The following PLXNA1 variants were observed in gnomAD, a reference collection of about 807,000 sequenced individuals.
The protein encoded by PLXNA1 is plexin-A1.
PLXNA1 carries 77 observed loss-of-function variants against 191.7 expected under a neutral mutation model. That is an observed-to-expected ratio of 0.40 (90% CI 0.33 to 0.49). PLXNA1 has a LOEUF of 0.49. Among genes scored for constraint, PLXNA1 ranks in the 20% least tolerant of loss-of-function variants. PLXNA1 has a pLI of 0.63. For synonymous variants in PLXNA1, 1,137 were observed against 1,156.4 expected, an observed-to-expected ratio of 0.98 and a Z score of 0.34; for missense variants, 2,110 against 2,660.2, an observed-to-expected ratio of 0.79 and a Z score of 4.55.
In PLXNA1 at chr3:127,036,367, T is replaced by G. The variant is rs570276698; in HGVS notation, c.*2350T>G. On this transcript the variant is annotated 3_prime_UTR_variant, in exon 32 of 32. Coordinates refer to ENST00000393409, the MANE Select transcript of PLXNA1 (RefSeq NM_032242.4). ...GGGCGGGTGGTGGGGACGGCAGTGG[T>G]GATGAAGGGGGTGCACCACAGGCCT... 1 of 152,570 alleles carries G rather than the reference T, an allele frequency of 6.6e-6. No homozygotes were observed. Among genetic ancestry groups the G allele is most frequent in the East Asian group, 1.9e-4 (1 of 5,170 alleles). 9.5% of individuals were successfully genotyped at this position (152,570 alleles called of 1,614,324 possible).
chr3:127,003,580 G>A, intron 4 of PLXNA1, 110 bp downstream of exon 4: 1 of 1,269,358 alleles, frequency 7.9e-7, no homozygotes, highest in Non-Finnish European at 1.1e-6. Flanking sequence ...GGGCGTCCAT[G>A]GCTCCTGGTA....
At position 126,989,504 on chromosome 3, in the gene PLXNA1, A is replaced by G. The variant is rs762397558; in HGVS notation, c.911A>G (p.Gln304Arg). 1.9e-6 allele frequency: 3 copies of G among 1,613,546 alleles called. No individual in the cohort carries two copies. Among genetic ancestry groups the G allele is most frequent in the Non-Finnish European group, 1.7e-6 (2 of 1,180,042 alleles). Residue 304 changes from glutamine to arginine, a missense_variant, in exon 2 of 32, where the codon CAG (glutamine) becomes CGG (arginine). Physicochemically the swap from Gln to Arg is conservative, Grantham distance 43. Around this residue, in one of 4 missense-constraint regions of PLXNA1, gnomAD observed 903 missense variants for 1,015.7 expected, o/e 0.89. Coordinates refer to ENST00000393409, the MANE Select transcript of PLXNA1 (RefSeq NM_032242.4). ...SYVEFPIGCE[Q>R]AGVEYRLVQD... The stretch of plus-strand genomic sequence containing the variant: ...GTTGAGTTCCCCATTGGCTGCGAGC[A>G]GGCGGGTGTGGAGTACCGCCTGGTG...
intron 8 of PLXNA1, among the ~76,000 whole-genome samples, chr3:127,007,190 G>A (rs906799152): frequency 6.6e-5 from 10 of 152,142 alleles, no homozygotes; most frequent in African/African-American, 2.4e-4. Flanking sequence ...GATGGAGGTG[G>A]TGTCTTCCTG....
chr3:127,020,393 A>T, intron 21 of PLXNA1, 49 bp downstream of exon 21: 1 of 1,599,962 alleles, frequency 6.3e-7, no homozygotes, highest in East Asian at 2.2e-5. Context: ...GGCAGCTGCT[A>T]TCTTCTGCCT....
intron 27 of PLXNA1, 50 bp downstream of exon 27, chr3:127,029,586 G>A: frequency 6.4e-7 from 1 of 1,574,638 alleles, no homozygotes; most frequent in Non-Finnish European, 8.7e-7. Context: ...TCCCTGGCCT[G>A]GGCAGGACGT....
In PLXNA1 at chr3:127,014,167, C is replaced by T. The variant is rs2079109310; in HGVS notation, c.2411-15C>T. On this transcript the variant is annotated splice_polypyrimidine_tract_variant and intron_variant, in intron 11 of 31. Coordinates refer to ENST00000393409, the MANE Select transcript of PLXNA1 (RefSeq NM_032242.4). ...GCAGTGGGCGGGCCCGAGCTGACCG[C>T]ACCCCTCCCCACAGCGCACCTCTAC... 2 of 1,611,464 alleles carry T rather than the reference C, an allele frequency of 1.2e-6. No homozygotes were observed. The highest frequency in any genetic ancestry group is 1.1e-5 in the South Asian group (1 of 91,006).
intron 3 of PLXNA1, among the ~76,000 whole-genome samples, chr3:126,999,295 C>T (rs559207857): frequency 2.6e-5 from 4 of 152,328 alleles, no homozygotes; most frequent in South Asian, 2.1e-4. Flanking sequence ...GAGGCCTCCA[C>T]GTGTGGGCAC....
At position 127,032,722 on chromosome 3, in the gene PLXNA1, C is replaced by T. The variant is rs753841851; in HGVS notation, c.5481C>T (p.Ser1827=). Residue 1827 remains serine (S), a synonymous_variant, in exon 31 of 32, where the codon AGC becomes AGT. Coordinates refer to ENST00000393409, the MANE Select transcript of PLXNA1 (RefSeq NM_032242.4). ...ACATCGCCAAGATGCCAGCCATCAGCGACCAGGACATGAGTGCGTATCTGG... is the reference window on the plus strand; with the variant it reads ...ACATCGCCAAGATGCCAGCCATCAGTGACCAGGACATGAGTGCGTATCTGG... ...YADIAKMPAI[S]DQDMSAYLAE... 5.6e-6 allele frequency: 9 copies of T among 1,613,346 alleles called. No homozygotes were observed. The highest frequency in any genetic ancestry group is 3.3e-5 in the Admixed American group (2 of 60,024).
chr3:127,006,802 G>A (rs1448618966), intron 8 of PLXNA1, among the ~76,000 whole-genome samples: 1 of 152,100 alleles, frequency 6.6e-6, no homozygotes, highest in African/African-American at 2.4e-5. Context: ...TTTTGGCTGT[G>A]AGCACCCCCA....
chr3:127,029,183 C>T, intron 26 of PLXNA1, 87 bp downstream of exon 26: 2 of 1,085,624 alleles, frequency 1.8e-6, no homozygotes, highest in Non-Finnish European at 2.8e-6. Context: ...AGCATGTGGG[C>T]TGGACAGCAG....
Position 127,014,732 on chromosome 3 carries a change from C to T in PLXNA1, c.2778C>T (p.Asp926=), listed in dbSNP as rs755316881. 1.2e-5 allele frequency: 20 copies of T among 1,611,848 alleles called. No homozygotes were observed. Among genetic ancestry groups the T allele is most frequent in the Non-Finnish European group, 1.6e-5 (19 of 1,179,684 alleles). The change falls in exon 14 of 32, where the codon GAC becomes GAT. Residue 926 remains aspartate (D), a synonymous_variant. Transcript: ENST00000393409. ...SAEQIVCEIG[D]ASSVRAHDAL... ...ACAGGATCGTCTGTGAGATCGGGGA[C>T]GCCAGCTCCGTGCGTGCCCATGACG...
intron 9 of PLXNA1, among the ~76,000 whole-genome samples, chr3:127,008,936 C>T (rs1559959411): frequency 3.3e-5 from 5 of 152,118 alleles, no homozygotes; most frequent in Admixed American, 6.5e-5. Flanking sequence ...GGGTGACTGC[C>T]TATAACAGTG....
intron 3 of PLXNA1, among the ~76,000 whole-genome samples, chr3:126,999,989 G>C (rs1487205572): frequency 6.6e-6 from 1 of 152,080 alleles, no homozygotes; most frequent in African/African-American, 2.4e-5. Flanking sequence ...GCAGGTGGGG[G>C]CATCCCGTGT....
Position 127,022,346 on chromosome 3 carries a change from G to A in PLXNA1, c.4295+5G>A. 2 of 1,605,650 alleles carry A rather than the reference G, an allele frequency of 1.2e-6. No homozygotes were observed. Among genetic ancestry groups the A allele is most frequent in the Non-Finnish European group, 1.7e-6 (2 of 1,173,860 alleles). ...CCCCAAGCTGCTACTGCGCCGGTGA[G>A]CCTGGGGGGCACTGGGGTTGGGGGA... On this transcript the variant is annotated splice_donor_5th_base_variant and intron_variant, in intron 22 of 31. Coordinates refer to ENST00000393409, the MANE Select transcript of PLXNA1 (RefSeq NM_032242.4).
intron 6 of PLXNA1, 27 bp from the exon 7 acceptor site, chr3:127,005,063 T>G: frequency 6.2e-7 from 1 of 1,610,992 alleles, no homozygotes; most frequent in Non-Finnish European, 8.5e-7. Flanking sequence ...GGGACCCTGC[T>G]CACCATGCCT....
At chr3:126,988,217 C>T (rs2107619755) in intron 1 of PLXNA1, among the ~76,000 whole-genome samples, 1 of 152,294 alleles carries the variant, frequency 6.6e-6, no homozygotes, top group Admixed American at 6.5e-5. Flanking sequence ...GGTCCCATTC[C>T]ACACCTCAGG....
rs763430744 is a variant in PLXNA1, at chr3:127,018,274, T to C, written c.3661-20T>C. On this transcript the variant is annotated intron_variant, in intron 19 of 31. Coordinates refer to ENST00000393409, the MANE Select transcript of PLXNA1 (RefSeq NM_032242.4). ...GTGGAAAGCATGGGAAGCTCCTGAG[T>C]GGCCTCCACCCACTGGCAGGTGCGG... The C allele has an allele frequency of 3.8e-6, 6 of 1,569,176 alleles. No homozygotes were observed. Among genetic ancestry groups the C allele is most frequent in the South Asian group, 3.5e-5 (3 of 86,812 alleles).
Position 126,989,219 on chromosome 3 carries a change from A to G in PLXNA1, c.626A>G (p.Asn209Ser), listed in dbSNP as rs1349011355. 3.1e-6 allele frequency: 5 copies of G among 1,613,544 alleles called. No individual in the cohort carries two copies. In the South Asian group the frequency reaches 5.5e-5, roughly 18 times the overall value. The change falls in exon 2 of 32, where the codon AAC (asparagine) becomes AGC (serine). Residue 209 changes from asparagine to serine, a missense_variant. Transcript: ENST00000393409. ...CTGTCCAGCCGTCGGCTCATGGCCA[A>G]CGAGGAGGATGCCGACATGTTCGGC... ...PTLSSRRLMA[N>S]EEDADMFGFV... is the part of the protein sequence containing the mutation.
At chr3:127,025,622 C>T (rs1443121309) in intron 23 of PLXNA1, among the ~76,000 whole-genome samples, 3 of 152,186 alleles carry the variant, frequency 2.0e-5, no homozygotes, top group East Asian at 3.9e-4. Context: ...TCCTCCCCAG[C>T]CCCTGGAACC....
Sources: allele counts gnomAD v4.1 joint callset (sites outside exome capture counted in the v4.1 genomes callset), GRCh38; gene constraint gnomAD v4.1.1; regional missense constraint gnomAD v4.1.1; transcripts MANE v1.5; gene names NCBI Gene and HGNC (gene_info 2026-07-23, HGNC 2026-07-21).